Variants in PPP2R1B observed in about 807,000 individuals in gnomAD.
The protein encoded by PPP2R1B is serine/threonine-protein phosphatase 2A 65 kDa regulatory subunit A beta isoform.
Under a neutral mutation model 72.7 loss-of-function variants are expected in PPP2R1B, and 58 were observed. The ratio of observed to expected loss-of-function variants is 0.80; its 90% CI spans 0.65 to 0.99. The LOEUF is 0.99. Among genes scored for constraint, PPP2R1B ranks in the 50% least tolerant of loss-of-function variants. The probability of loss-of-function intolerance (pLI) is 0.00; values close to 1 mark genes in which losing one functional copy is unlikely to be tolerated. For synonymous variants in PPP2R1B, 256 were observed against 264.6 expected (o/e 0.97, Z 0.32); for missense variants, 695 against 733.6 (o/e 0.95, Z 0.61).
At chr11:111,727,146 C>T (rs1943998111) in intron 15 of PPP2R1B, 35 of 1,105,574 alleles carry the variant, frequency 3.2e-5, no homozygotes, top group South Asian at 2.9e-4. Context: ...GCTGCCCCCT[C>T]GCCACCTCTG....
At chr11:111,736,560 CTG>C (rs1424883499), downstream of PPP2R1B, among the ~76,000 whole-genome samples, 4 of 152,222 alleles carry the variant, frequency 2.6e-5, no homozygotes, top group Admixed American at 2.0e-4. Flanking sequence ...CTTCCTCTCA[CTG>C]TGCGGCCACT....
downstream of PPP2R1B, chr11:111,726,325 G>A (rs1943965036): frequency 6.6e-6 from 1 of 152,304 alleles, no homozygotes; most frequent in South Asian, 2.1e-4. Flanking sequence ...GGGAGCTATG[G>A]CAGGACGGTT....
At chr11:111,749,475 G>T (rs1192008622) in intron 10 of PPP2R1B, among the ~76,000 whole-genome samples, 1 of 151,696 alleles carries the variant, frequency 6.6e-6, no homozygotes, top group Non-Finnish European at 1.5e-5. Flanking sequence ...AGTAGAGATG[G>T]GGTTTCACCA....
the PPP2R1B span, among the ~76,000 whole-genome samples, chr11:111,700,008 G>A: frequency 5.9e-5 from 9 of 152,218 alleles, no homozygotes; most frequent in Admixed American, 2.0e-4. Flanking sequence ...AGCAACATAA[G>A]ACAGCATGAG....
chr11:111,708,519 A>G, the PPP2R1B span, among the ~76,000 whole-genome samples: 1 of 152,168 alleles, frequency 6.6e-6, no homozygotes, highest in African/African-American at 2.4e-5. Context: ...TTGAGTTGAG[A>G]CTATTTAGAA....
chr11:111,692,717 A>C, the PPP2R1B span, among the ~76,000 whole-genome samples: 2 of 152,194 alleles, frequency 1.3e-5, no homozygotes, highest in Admixed American at 1.3e-4. Context: ...GAACTCTTAA[A>C]TCTTAATGGA....
chr11:111,765,659 TTTTA>T (rs1555052804), intron 1 of PPP2R1B: 1 of 514,342 alleles, frequency 1.9e-6, no homozygotes, highest in Non-Finnish European at 3.7e-6. Flanking sequence ...AGTAAGATAA[TTTTA>T]AAAAGAGAGC....
the PPP2R1B span, among the ~76,000 whole-genome samples, chr11:111,689,144 G>T: frequency 2.6e-5 from 4 of 152,138 alleles, no homozygotes; most frequent in Non-Finnish European, 4.4e-5. Flanking sequence ...TTCAAAACTG[G>T]TTACATGTAA....
At chr11:111,688,194 C>G in the PPP2R1B span, 1 of 1,611,578 alleles carries the variant, frequency 6.2e-7, no homozygotes, top group South Asian at 1.1e-5. This position sits in a 1 kb window ranked among gnomAD's most constrained non-coding sequence, Gnocchi z 4.2. Flanking sequence ...CTAATAAGAT[C>G]CGAAGTGAGC....
intron 3 of PPP2R1B, among the ~76,000 whole-genome samples, chr11:111,764,273 C>A (rs1172418430): frequency 6.6e-6 from 1 of 151,590 alleles, no homozygotes; most frequent in African/African-American, 2.4e-5. Flanking sequence ...ATTCAAACTC[C>A]TGGGCTCAAG....
rs544538218 is a variant in PPP2R1B at position 111,731,564 on chromosome 11, T to C, written c.1912-4507A>G. Among the ~76,000 whole-genome samples the C allele has an allele frequency of 5.9e-5, 9 of 152,360 alleles. No individual in the cohort carries two copies. The East Asian group carries it at 1.7e-3, about 29-fold the overall frequency. On this transcript the variant is annotated intron_variant, in intron 15 of 15. Coordinates refer to the PPP2R1B transcript ENST00000311129. ...AGCTTGCTGGCAGCAGGATCTCGAC[T>C]GAAATTTGGTTTCACTCAAACCATT...
the PPP2R1B span, among the ~76,000 whole-genome samples, chr11:111,721,263 A>G: frequency 0.032 from 4,892 of 152,258 alleles, 244 homozygotes; most frequent in African/African-American, 0.11. Context: ...CAAGTGATCA[A>G]TACCAGATGG....
rs960050545 is a variant in PPP2R1B at position 111,740,963 on chromosome 11, C to T, written c.*633G>A. Reference sequence around the variant, plus strand: ...ACACATTAGCAGCAAGATGCAGCCACACTTCAGGTTTCTGAATGACATGAG... The same window carrying T: ...ACACATTAGCAGCAAGATGCAGCCATACTTCAGGTTTCTGAATGACATGAG... On this transcript the variant is annotated 3_prime_UTR_variant, in exon 15 of 15. Coordinates refer to ENST00000527614, the MANE Select transcript of PPP2R1B (RefSeq NM_002716.5). 17 of 985,392 alleles carry T rather than the reference C, an allele frequency of 1.7e-5. No individual in the cohort carries two copies. The highest frequency in any genetic ancestry group is 2.0e-5 in the Non-Finnish European group (17 of 829,988). 61.0% of individuals were successfully genotyped at this position (985,392 alleles called of 1,614,324 possible).
chr11:111,734,913 T>G (rs118006092), downstream of PPP2R1B, among the ~76,000 whole-genome samples: 1 of 152,114 alleles, frequency 6.6e-6, no homozygotes, highest in African/African-American at 2.4e-5. Flanking sequence ...CTAGGACAAG[T>G]GAGGTTCCTG....
At position 111,755,082 on chromosome 11, in the gene PPP2R1B, T is replaced by C. The variant is rs1465181114; in HGVS notation, c.856A>G (p.Met286Val). Residue 286 changes from methionine (M) to valine (V), a missense_variant, in exon 7 of 15, where the codon ATG becomes GTG. Transcript: ENST00000527614. ...TCATTTAGGGTGATTTTAGGACCCA[T>C]GGCTTTCTGGAGCTATAAAAGAATT... ...ADRFSELQKA[M>V]GPKITLNDLI... 4 of 1,610,256 alleles carry C rather than the reference T, an allele frequency of 2.5e-6. No homozygotes were observed. The highest frequency in any genetic ancestry group is 3.4e-6 in the Non-Finnish European group (4 of 1,177,358).
chr11:111,764,214 C>CTT (rs369985121), intron 3 of PPP2R1B, among the ~76,000 whole-genome samples: 1 of 143,412 alleles, frequency 7.0e-6, no homozygotes, highest in Non-Finnish European at 1.5e-5. Context: ...TTTTGGTGGT[C>CTT]TTTTTTTTTT....
Position 111,739,547 on chromosome 11 carries a change from C to A in PPP2R1B, c.*2049G>T. The A allele has an allele frequency of 2.0e-6, 2 of 985,442 alleles. No homozygotes were observed. Among genetic ancestry groups the A allele is most frequent in the Non-Finnish European group, 2.4e-6 (2 of 829,942 alleles). The allele number at this position is 985,442 out of a possible 1,614,324, so 61.0% of individuals were successfully genotyped here. The stretch of plus-strand genomic sequence containing the variant: ...CCATGCTTGAGAAAGCCAGGGCCCA[C>A]TCTCCCTCTCTCAAACAGTTTTAGG... On this transcript the variant is annotated 3_prime_UTR_variant, in exon 15 of 15. Coordinates refer to ENST00000527614, the MANE Select transcript of PPP2R1B (RefSeq NM_002716.5).
chr11:111,720,342 A>G, the PPP2R1B span: 1 of 953,128 alleles, frequency 1.0e-6, no homozygotes, highest in Non-Finnish European at 1.5e-6. Flanking sequence ...GGCCAGTAAA[A>G]GGGCTCTGAA....
At chr11:111,694,045 G>C in the PPP2R1B span, among the ~76,000 whole-genome samples, 1 of 152,022 alleles carries the variant, frequency 6.6e-6, no homozygotes, top group Non-Finnish European at 1.5e-5. Flanking sequence ...ATATTTGTAG[G>C]GTACTTAGAA....
Sources: gnomAD v4.1 joint callset for allele counts (sites outside exome capture counted in the v4.1 genomes callset) on GRCh38, gnomAD v4.1.1 for gene constraint, Gnocchi (gnomAD v3.1) non-coding constraint, MANE v1.5 for transcripts, NCBI Gene and HGNC (gene_info 2026-07-23, HGNC 2026-07-21) for gene names.